Variants in CDH13 observed in about 807,000 individuals in gnomAD.
The protein encoded by CDH13 is cadherin-13.
CDH13 carries 24 observed loss-of-function variants against 63.8 expected under a neutral mutation model. That is an observed-to-expected ratio of 0.38 (90% CI 0.27 to 0.53). The LOEUF (loss-of-function observed/expected upper bound fraction) is 0.53. Ranked by LOEUF, CDH13 falls within the 20% of genes least tolerant of loss-of-function variation. The pLI is 0.85. For missense variants in CDH13, 1,049 were observed against 903.1 expected, an observed-to-expected ratio of 1.16 and a Z score of -2.07; for synonymous variants, 503 against 355.3, an observed-to-expected ratio of 1.42 and a Z score of -4.67.
chr16:83,289,227 A>C (rs1384870761), intron 5 of CDH13, among the ~76,000 whole-genome samples: 1 of 152,236 alleles, frequency 6.6e-6, no homozygotes, highest in Non-Finnish European at 1.5e-5. Context: ...AACAGTACAT[A>C]ACCCAACCTG....
intron 2 of CDH13, among the ~76,000 whole-genome samples, chr16:82,938,946 G>T (rs1011883109): frequency 5.3e-5 from 8 of 152,090 alleles, no homozygotes; most frequent in African/African-American, 1.7e-4. Context: ...AACCAGAGGG[G>T]CATCACACCT....
At chr16:83,395,352 C>T (rs1389281166) in intron 6 of CDH13, among the ~76,000 whole-genome samples, 2 of 151,728 alleles carry the variant, frequency 1.3e-5, no homozygotes, top group East Asian at 1.9e-4. Context: ...ATACTCAAGG[C>T]TCCTAGTGAT....
chr16:83,599,682 C>A (rs966781699), intron 7 of CDH13, among the ~76,000 whole-genome samples: 2 of 151,750 alleles, frequency 1.3e-5, no homozygotes, highest in Non-Finnish European at 2.9e-5. Flanking sequence ...TGTAGGCAAC[C>A]CTTAAAATAA....
chr16:82,758,378 T>C (rs1012016504), intron 1 of CDH13, among the ~76,000 whole-genome samples: 9 of 152,068 alleles, frequency 5.9e-5, no homozygotes, highest in Non-Finnish European at 1.2e-4. Flanking sequence ...GTCCTAACTT[T>C]AGTGATTGGG....
intron 10 of CDH13, among the ~76,000 whole-genome samples, chr16:83,713,864 C>CT (rs1171172944): frequency 6.6e-6 from 1 of 152,210 alleles, no homozygotes; most frequent in Non-Finnish European, 1.5e-5. Context: ...TCTTGACTGC[C>CT]TTCCTCATTG....
At chr16:82,659,897 T>A (rs1911735995) in intron 1 of CDH13, among the ~76,000 whole-genome samples, 1 of 151,872 alleles carries the variant, frequency 6.6e-6, no homozygotes, top group South Asian at 2.1e-4. Context: ...CACTGTGAAA[T>A]CCAAAAATGT....
At chr16:83,197,446 A>T (rs531797720) in intron 4 of CDH13, among the ~76,000 whole-genome samples, 2 of 152,140 alleles carry the variant, frequency 1.3e-5, no homozygotes, top group African/African-American at 2.4e-5. Context: ...ATTATTGACT[A>T]TGGTCACCTG....
chr16:83,508,008 G>A lies in CDH13; in HGVS notation c.960+21353G>A, dbSNP rs377241306. ...GATCGCGCCACTGCACTCCAGCTTG[G>A]GCAACAAGAGCAACATTCGGTCGAA... On this transcript the variant is annotated intron_variant, in intron 7 of 13. Transcript: ENST00000567109. 3.5e-5 allele frequency among the ~76,000 whole-genome samples: 5 copies of A among 144,606 alleles called. No homozygotes were observed. In the South Asian group the frequency reaches 1.1e-3, roughly 32 times the overall value. The allele number at this position is 144,606 out of a possible 152,430, so 94.9% of individuals were successfully genotyped here.
intron 10 of CDH13, among the ~76,000 whole-genome samples, chr16:83,741,666 A>G (rs1316641228): frequency 1.3e-5 from 2 of 152,172 alleles, no homozygotes; most frequent in Non-Finnish European, 2.9e-5. Flanking sequence ...CCATTTGGCT[A>G]TTGTGCACTA....
At chr16:82,722,210 A>G (rs938078666) in intron 1 of CDH13, among the ~76,000 whole-genome samples, 1 of 152,212 alleles carries the variant, frequency 6.6e-6, no homozygotes, top group Non-Finnish European at 1.5e-5. Context: ...TGGGAAATGT[A>G]TAGTTCACTT....
intron 3 of CDH13, among the ~76,000 whole-genome samples, chr16:83,044,535 A>T (rs1028712724): frequency 2.0e-5 from 3 of 152,190 alleles, no homozygotes; most frequent in African/African-American, 7.2e-5. Context: ...TCTAAATGTA[A>T]ATTTCTCCCA....
At chr16:82,964,753 T>C (rs1419732518) in intron 2 of CDH13, among the ~76,000 whole-genome samples, 2 of 152,250 alleles carry the variant, frequency 1.3e-5, no homozygotes, top group African/African-American at 4.8e-5. Flanking sequence ...CCTACAGTTA[T>C]AAAATATATC....
intron 5 of CDH13, among the ~76,000 whole-genome samples, chr16:83,338,173 C>G (rs2090640171): frequency 8.6e-6 from 1 of 116,584 alleles, no homozygotes; most frequent in Admixed American, 1.1e-4. Context: ...CAATGTTAGT[C>G]CTCTTCTTTT....
chr16:83,029,027 A>C (rs1186472776), intron 2 of CDH13, among the ~76,000 whole-genome samples: 1 of 152,208 alleles, frequency 6.6e-6, no homozygotes, highest in East Asian at 1.9e-4. Flanking sequence ...TTCCTTATCT[A>C]GAAACTGTAG....
chr16:83,077,968 G>T (rs2032968607), intron 3 of CDH13, among the ~76,000 whole-genome samples: 1 of 151,260 alleles, frequency 6.6e-6, no homozygotes, highest in Non-Finnish European at 1.5e-5. Flanking sequence ...TATGCTTATT[G>T]ACCATTCTGT....
intron 2 of CDH13, among the ~76,000 whole-genome samples, chr16:82,978,421 C>T (rs1374708412): frequency 6.6e-6 from 1 of 152,232 alleles, no homozygotes; most frequent in East Asian, 1.9e-4. Context: ...ATGGCAGCCC[C>T]TCCCATTGCA....
intron 3 of CDH13, among the ~76,000 whole-genome samples, chr16:83,076,654 G>C (rs1455565896): frequency 6.6e-6 from 1 of 150,694 alleles, no homozygotes; most frequent in African/African-American, 2.4e-5. Flanking sequence ...CACACACACA[G>C]TCCCTGCCTC....
At chr16:83,621,375 G>T (rs1258865954) in intron 8 of CDH13, among the ~76,000 whole-genome samples, 2 of 150,178 alleles carry the variant, frequency 1.3e-5, no homozygotes, top group Non-Finnish European at 2.9e-5. Context: ...TGCACCAAGG[G>T]TTTGCTGAAG....
rs561207822 is a variant in CDH13 at position 82,820,337 on chromosome 16, T to G, written c.46-38025T>G. Among the ~76,000 whole-genome samples the G allele has an allele frequency of 3.9e-5, 6 of 152,312 alleles. No homozygotes were observed. In the South Asian group the frequency reaches 1.2e-3, roughly 32 times the overall value. On this transcript the variant is annotated intron_variant, in intron 1 of 13. Coordinates refer to ENST00000567109, the MANE Select transcript of CDH13 (RefSeq NM_001257.5). ...CAGGAAGAGCTTATATGTGGTGCCC[T>G]GGTAATGCCTCAGATACTGTTCTAA...
Sources: allele counts gnomAD v4.1 joint callset (sites outside exome capture counted in the v4.1 genomes callset), GRCh38; gene constraint gnomAD v4.1.1; transcripts MANE v1.5; gene names NCBI Gene and HGNC (gene_info 2026-07-23, HGNC 2026-07-21).